Variants in GRID2 observed in about 807,000 individuals in gnomAD.
GRID2 encodes glutamate receptor ionotropic, delta-2.
A neutral mutation model predicts 114.8 loss-of-function variants in GRID2; 33 were observed. The observed-to-expected ratio is 0.29, with a 90% CI of 0.22 to 0.38. The LOEUF is 0.38. GRID2 is among the 10% of genes least tolerant of loss of function. The probability of loss-of-function intolerance (pLI) is 1.00; values close to 1 mark genes in which losing one functional copy is unlikely to be tolerated. For missense variants in GRID2, 1,184 were observed against 1,257.7 expected, an observed-to-expected ratio of 0.94 and a Z score of 0.89; for synonymous variants, 505 against 449.9, an observed-to-expected ratio of 1.12 and a Z score of -1.55.
At chr4:93,010,779 CT>C (rs1033535927) in intron 2 of GRID2, among the ~76,000 whole-genome samples, 1 of 152,112 alleles carries the variant, frequency 6.6e-6, no homozygotes, top group African/African-American at 2.4e-5. Flanking sequence ...CAAAATGTGA[CT>C]TTTCAACATG....
At chr4:93,749,762 C>T (rs1438359111) in intron 14 of GRID2, among the ~76,000 whole-genome samples, 1 of 152,190 alleles carries the variant, frequency 6.6e-6, no homozygotes, top group Non-Finnish European at 1.5e-5. Flanking sequence ...TTAAGAAACC[C>T]TCACAATGCT....
intron 13 of GRID2, among the ~76,000 whole-genome samples, chr4:93,587,718 G>A (rs1205819979): frequency 1.3e-5 from 2 of 151,756 alleles, no homozygotes; most frequent in Non-Finnish European, 2.9e-5. Flanking sequence ...TTACTCCAAT[G>A]GTAAAGAAAA....
At chr4:93,403,094 A>G (rs1579966003) in intron 9 of GRID2, among the ~76,000 whole-genome samples, 1 of 152,270 alleles carries the variant, frequency 6.6e-6, no homozygotes, top group South Asian at 2.1e-4. Flanking sequence ...AGCTGACAGC[A>G]AGCTCTGGTG....
chr4:93,026,608 G>A (rs753043243), intron 2 of GRID2, among the ~76,000 whole-genome samples: 4 of 151,716 alleles, frequency 2.6e-5, no homozygotes, highest in Admixed American at 1.3e-4. Flanking sequence ...ATGTAGAAGA[G>A]GATATTTTTA....
intron 14 of GRID2, among the ~76,000 whole-genome samples, chr4:93,659,835 TC>T (rs1241790433): frequency 1.3e-5 from 2 of 150,468 alleles, no homozygotes; most frequent in Non-Finnish European, 2.9e-5. Context: ...AAAGCGAAAA[TC>T]TCATCAAGAT....
intron 2 of GRID2, among the ~76,000 whole-genome samples, chr4:92,663,696 C>A (rs1419353071): frequency 6.6e-6 from 1 of 151,052 alleles, no homozygotes; most frequent in African/African-American, 2.4e-5. Flanking sequence ...GTTCAGTGGT[C>A]TTAAACACAT....
At chr4:93,292,576 A>G (rs59771468) in intron 8 of GRID2, among the ~76,000 whole-genome samples, 5,428 of 152,314 alleles carry the variant, frequency 0.036, 344 homozygotes, top group African/African-American at 0.12. Context: ...TTGTGCCAGC[A>G]ACTAAATGAG....
intron 1 of GRID2, among the ~76,000 whole-genome samples, chr4:92,350,928 C>T (rs1022944472): frequency 2.0e-5 from 3 of 151,818 alleles, no homozygotes; most frequent in Admixed American, 1.3e-4. Context: ...TCATATAATA[C>T]GTGGTCTTTT....
chr4:92,710,356 T>G (rs1735187231), intron 2 of GRID2, among the ~76,000 whole-genome samples: 1 of 152,210 alleles, frequency 6.6e-6, no homozygotes, highest in South Asian at 2.1e-4. Flanking sequence ...TGATTATTTA[T>G]AGTTTGTGGG....
chr4:93,328,621 C>A (rs970811311), intron 8 of GRID2, among the ~76,000 whole-genome samples: 1 of 152,040 alleles, frequency 6.6e-6, no homozygotes, highest in African/African-American at 2.4e-5. Context: ...TTCCAAATTT[C>A]ATGAGAACAA....
intron 2 of GRID2, among the ~76,000 whole-genome samples, chr4:93,021,576 T>C (rs1264179724): frequency 6.9e-6 from 1 of 145,856 alleles, no homozygotes; most frequent in Admixed American, 6.9e-5. Context: ...AAATAATATA[T>C]ATTATATAAT....
At chr4:93,661,960 G>A (rs1578505736) in intron 14 of GRID2, among the ~76,000 whole-genome samples, 2 of 151,996 alleles carry the variant, frequency 1.3e-5, no homozygotes, top group East Asian at 1.9e-4. Context: ...ACAGCATGTG[G>A]GCTCCCCGCC....
At chr4:93,086,813 T>C (rs1482632448) in intron 3 of GRID2, among the ~76,000 whole-genome samples, 2 of 152,134 alleles carry the variant, frequency 1.3e-5, no homozygotes, top group Non-Finnish European at 2.9e-5. Flanking sequence ...CATAATAAAC[T>C]CTTTGGAATC....
At chr4:93,024,632 G>C (rs1723713991) in intron 2 of GRID2, among the ~76,000 whole-genome samples, 1 of 151,572 alleles carries the variant, frequency 6.6e-6, no homozygotes, top group African/African-American at 2.4e-5. Flanking sequence ...TCTACAGTTT[G>C]GTGTGATGGT....
rs1725264815 is a variant in GRID2 at position 92,304,303 on chromosome 4, C to G, written c.-354C>G. The stretch of plus-strand genomic sequence containing the variant: ...TTGCAGCGGAGCTGGGACCGGAGAC[C>G]CGCGGCCCCCGCGCAGCGATGGGTC... On this transcript the variant is annotated 5_prime_UTR_variant, in exon 1 of 16. Coordinates refer to ENST00000282020, the MANE Select transcript of GRID2 (RefSeq NM_001510.4). 4.0e-6 allele frequency: 1 copy of G among 252,554 alleles called. No individual in the cohort carries two copies. The highest frequency in any genetic ancestry group is 5.3e-5 in the Admixed American group (1 of 18,974). The allele number at this position is 252,554 out of a possible 1,614,324, so 15.6% of individuals were successfully genotyped here. A position where few individuals can be genotyped will look rare whatever the true frequency, so the allele number is the denominator to read the frequency against.
At chr4:93,330,151 GT>G (rs1480489222) in intron 8 of GRID2, among the ~76,000 whole-genome samples, 3 of 152,122 alleles carry the variant, frequency 2.0e-5, no homozygotes, top group Non-Finnish European at 4.4e-5. Flanking sequence ...ACAAACAAAA[GT>G]GCTTTCTCCT....
intron 1 of GRID2, among the ~76,000 whole-genome samples, chr4:92,504,212 T>A (rs1010087758): frequency 6.6e-6 from 1 of 152,012 alleles, no homozygotes; most frequent in Non-Finnish European, 1.5e-5. Context: ...GTTTTCTTTG[T>A]GTATGGAATA....
chr4:92,609,443 A>G (rs1579677205), intron 2 of GRID2, among the ~76,000 whole-genome samples: 1 of 151,514 alleles, frequency 6.6e-6, no homozygotes, highest in African/African-American at 2.4e-5. Flanking sequence ...ATTAAAAAAA[A>G]TGAAGTAGCA....
chr4:92,402,514 A>G (rs1157872999), intron 1 of GRID2, among the ~76,000 whole-genome samples: 1 of 152,224 alleles, frequency 6.6e-6, no homozygotes, highest in Non-Finnish European at 1.5e-5. Flanking sequence ...TGAAAGCAAC[A>G]TTAATCTCCT....
Sources: gnomAD v4.1 joint callset for allele counts (sites outside exome capture counted in the v4.1 genomes callset) on GRCh38, gnomAD v4.1.1 for gene constraint, MANE v1.5 for transcripts, NCBI Gene and HGNC (gene_info 2026-07-23, HGNC 2026-07-21) for gene names.